Variants in FMN2 observed in about 807,000 individuals in gnomAD.
FMN2 encodes the protein formin-2.
A neutral mutation model predicts 142.3 loss-of-function variants in FMN2; 51 were observed. The ratio of observed to expected loss-of-function variants is 0.36; its 90% CI spans 0.29 to 0.45. The LOEUF is 0.45. Ranked by LOEUF, FMN2 falls within the 20% of genes least tolerant of loss-of-function variation. The pLI, the probability that FMN2 is intolerant of heterozygous loss-of-function variation, is 1.00. For synonymous variants in FMN2, 882 were observed against 869.8 expected (o/e 1.01, Z -0.25); for missense variants, 1,936 against 2,122.8 (o/e 0.91, Z 1.73).
chr1:240,188,133 G>C, intron 3 of FMN2, 74 bp from the exon 4 acceptor site: 1 of 1,450,648 alleles, frequency 6.9e-7, no homozygotes. Context: ...TTTAGTGAAA[G>C]TTTTATTTTC....
rs375129010 is a variant in FMN2, at chr1:240,105,718, ATTG to A, written c.1615+11997_1615+11999del. Among the ~76,000 whole-genome samples the A allele has an allele frequency of 3.0e-4, 46 of 152,252 alleles. No individual in the cohort carries two copies. The East Asian group carries it at 6.6e-3, about 22-fold the overall frequency. ...ACTTTAGTTTTATTTCTAGTTGATTATTGTTAAGGTAAAGAAATGTTTTCAGTA... is the reference window on the plus strand; with the variant it reads ...ACTTTAGTTTTATTTCTAGTTGATTATTAAGGTAAAGAAATGTTTTCAGTA... On this transcript the variant is annotated intron_variant, in intron 1 of 17. Transcript: ENST00000319653.
intron 2 of FMN2, chr1:240,170,560 A>C: frequency 6.4e-7 from 1 of 1,561,566 alleles, no homozygotes; most frequent in South Asian, 1.1e-5. Flanking sequence ...CAGCAGATTT[A>C]CTTGCAAAGG....
intron 1 of FMN2, among the ~76,000 whole-genome samples, chr1:240,115,901 A>C (rs1662002376): frequency 6.6e-6 from 1 of 152,144 alleles, no homozygotes; most frequent in African/African-American, 2.4e-5. Context: ...CAAGGGGTGG[A>C]TTACTCGTGA....
At chr1:240,096,049 T>C (rs552032182) in intron 1 of FMN2, among the ~76,000 whole-genome samples, 22 of 152,290 alleles carry the variant, frequency 1.4e-4, no homozygotes, top group Admixed American at 7.2e-4. Context: ...AGAGGATCAG[T>C]AGGTTTTACC....
intron 16 of FMN2, among the ~76,000 whole-genome samples, chr1:240,455,827 T>C (rs1381594109): frequency 6.6e-6 from 1 of 151,624 alleles, no homozygotes; most frequent in Non-Finnish European, 1.5e-5. Flanking sequence ...ATACAAAAAT[T>C]AGCCAGGCGT....
rs71567282 is a variant in FMN2, at chr1:240,241,825, C to CTTTTTTTT, written c.4066-16098_4066-16091dup. The stretch of plus-strand genomic sequence containing the variant: ...ATTTTCTTTATTTTAGTGTGCCTTG[C>CTTTTTTTT]TTTTTTTTTTTTTTTTTTTTTTTTT... On this transcript the variant is annotated intron_variant, in intron 6 of 17. Coordinates refer to ENST00000319653, the MANE Select transcript of FMN2 (RefSeq NM_020066.5). Among the ~76,000 whole-genome samples, 55 of 96,216 alleles carry CTTTTTTTT rather than the reference C, an allele frequency of 5.7e-4. 6 individuals carry two copies. Among genetic ancestry groups the CTTTTTTTT allele is most frequent in the African/African-American group, 1.5e-3 (40 of 26,314 alleles). The allele number at this position is 96,216 out of a possible 152,430, so 63.1% of individuals were successfully genotyped here. A position where few individuals can be genotyped will look rare whatever the true frequency, so the allele number is the denominator to read the frequency against.
intron 8 of FMN2, among the ~76,000 whole-genome samples, chr1:240,315,632 T>C (rs1455313034): frequency 6.6e-6 from 1 of 152,208 alleles, no homozygotes; most frequent in Non-Finnish European, 1.5e-5. Flanking sequence ...CCATTGGATA[T>C]ACAACTTTAG....
intron 4 of FMN2, among the ~76,000 whole-genome samples, chr1:240,206,104 A>G (rs1666342937): frequency 1.3e-5 from 2 of 151,266 alleles, no homozygotes; most frequent in African/African-American, 2.4e-5. Flanking sequence ...CAGTCTTGCT[A>G]TGTTGCTCAG....
Position 240,392,445 on chromosome 1 carries a change from T to C in FMN2, c.4859-66T>C, listed in dbSNP as rs1051614040. On this transcript the variant is annotated intron_variant, in intron 14 of 17. Coordinates refer to ENST00000319653, the MANE Select transcript of FMN2 (RefSeq NM_020066.5). ...AATAAGTTACGTTATGTAGGGCAGA[T>C]GTTGCTTGAAATAGTGTAACAACTT... is the stretch of plus-strand genomic sequence containing the variant. 5.4e-6 allele frequency: 7 copies of C among 1,284,496 alleles called. No individual in the cohort carries two copies. In the African/African-American group the frequency reaches 8.8e-5, roughly 16 times the overall value. 79.6% of individuals were successfully genotyped at this position (1,284,496 alleles called of 1,614,324 possible).
At chr1:240,469,998 G>T (rs868481458) in intron 16 of FMN2, among the ~76,000 whole-genome samples, 14 of 152,084 alleles carry the variant, frequency 9.2e-5, no homozygotes, top group African/African-American at 3.4e-4. Flanking sequence ...ATGTTTTTGT[G>T]TAAAATTAAA....
chr1:240,271,440 C>T (rs74149400), intron 7 of FMN2, among the ~76,000 whole-genome samples: 40,239 of 147,788 alleles, frequency 0.27, 5,649 homozygotes, highest in Middle Eastern at 0.35. Flanking sequence ...TTTAATGAAA[C>T]TCAAGCTTAT....
intron 16 of FMN2, among the ~76,000 whole-genome samples, chr1:240,449,113 G>A (rs1675920570): frequency 6.6e-6 from 1 of 150,824 alleles, no homozygotes; most frequent in Non-Finnish European, 1.5e-5. Context: ...CTGCACTCTA[G>A]CCTAGGTGAA....
chr1:240,218,392 A>G (rs1165343115), intron 6 of FMN2, among the ~76,000 whole-genome samples: 2 of 151,982 alleles, frequency 1.3e-5, no homozygotes, highest in Non-Finnish European at 2.9e-5. Context: ...GGAATTGAAG[A>G]AAGATTATAG....
chr1:240,388,460 G>A (rs12118783), intron 14 of FMN2, among the ~76,000 whole-genome samples: 2 of 152,192 alleles, frequency 1.3e-5, no homozygotes, highest in South Asian at 2.1e-4. Flanking sequence ...ATGAGAGGCA[G>A]AGTGTGAGAA....
intron 4 of FMN2, among the ~76,000 whole-genome samples, chr1:240,191,658 AATT>A (rs1423993855): frequency 1.3e-5 from 2 of 152,182 alleles, no homozygotes; most frequent in East Asian, 1.9e-4. Flanking sequence ...GCTTAGTGTC[AATT>A]ATTTTATCTA....
chr1:240,344,023 A>G (rs73126233), intron 13 of FMN2, among the ~76,000 whole-genome samples: 1,589 of 152,328 alleles, frequency 0.01, 32 homozygotes, highest in African/African-American at 0.035. Flanking sequence ...TAGAAACTCA[A>G]CAAACTTCTA....
intron 15 of FMN2, among the ~76,000 whole-genome samples, chr1:240,417,480 G>A (rs537036623): frequency 4.1e-4 from 63 of 152,014 alleles, no homozygotes; most frequent in African/African-American, 1.4e-3. Flanking sequence ...GAATTCAGAT[G>A]GAAAACCTGC....
At chr1:240,368,185 C>T (rs1672746793) in intron 14 of FMN2, among the ~76,000 whole-genome samples, 1 of 152,024 alleles carries the variant, frequency 6.6e-6, no homozygotes, top group African/African-American at 2.4e-5. Context: ...AGATTCCTAC[C>T]TTCTTTAGAT....
chr1:240,210,860 T>C (rs1213250057), intron 5 of FMN2, among the ~76,000 whole-genome samples: 3 of 152,162 alleles, frequency 2.0e-5, no homozygotes, highest in Admixed American at 2.0e-4. Context: ...TCCTGGAAAT[T>C]ATTTCTGGGG....
Sources: gnomAD v4.1 joint callset for allele counts (sites outside exome capture counted in the v4.1 genomes callset) on GRCh38, gnomAD v4.1.1 for gene constraint, MANE v1.5 for transcripts, NCBI Gene and HGNC (gene_info 2026-07-23, HGNC 2026-07-21) for gene names.